ANKRD17: variants seen among roughly 807,000 people sequenced by gnomAD.
ANKRD17 encodes ankyrin repeat domain-containing protein 17.
A neutral mutation model predicts 229.7 loss-of-function variants in ANKRD17; 19 were observed. That is an observed-to-expected ratio of 0.08 (90% CI 0.06 to 0.12). ANKRD17 has a LOEUF of 0.12. Among genes scored for constraint, ANKRD17 ranks in the 10% least tolerant of loss-of-function variants. ANKRD17 has a pLI of 1.00. For synonymous variants in ANKRD17, 1,112 were observed against 1,146.1 expected (o/e 0.97, Z 0.60); for missense variants, 2,176 against 3,176.8 (o/e 0.68, Z 7.57).
At chr4:73,102,663 A>T (rs1311214677) in intron 24 of ANKRD17, 116 bp from the exon 25 acceptor site, 1 of 1,166,154 alleles carries the variant, frequency 8.6e-7, no homozygotes, top group African/African-American at 1.6e-5. Flanking sequence ...AAAGTCATCT[A>T]GTTCAATTCA....
In ANKRD17 at chr4:73,125,318, A is replaced by C; in HGVS notation, c.3235-6T>G. The C allele has an allele frequency of 6.4e-7, 1 of 1,573,390 alleles. No homozygotes were observed. Among genetic ancestry groups the C allele is most frequent in the Non-Finnish European group, 8.6e-7 (1 of 1,160,168 alleles). On this transcript the variant is annotated splice_region_variant and splice_polypyrimidine_tract_variant and intron_variant, in intron 16 of 33. Transcript: ENST00000358602. ...GTGTCATGATTACTCTCAGTCTATAAGAAATTATTTTTTGGTTAGTTTATT... is the reference window on the plus strand; with the variant it reads ...GTGTCATGATTACTCTCAGTCTATACGAAATTATTTTTTGGTTAGTTTATT...
At chr4:73,250,589 C>CA (rs35160047) in intron 1 of ANKRD17, among the ~76,000 whole-genome samples, 571 of 29,370 alleles carry the variant, frequency 0.019, 103 homozygotes, top group African/African-American at 0.023. Flanking sequence ...GACCTTGTCT[C>CA]AAAAAAAAAA....
chr4:73,120,133 C>A, intron 21 of ANKRD17, 29 bp downstream of exon 21: 3 of 1,602,506 alleles, frequency 1.9e-6, no homozygotes, highest in Non-Finnish European at 2.6e-6. Context: ...CACTTGTGTT[C>A]ATATATGAAG....
At chr4:73,194,736 T>C (rs1272556644) in intron 1 of ANKRD17, among the ~76,000 whole-genome samples, 1 of 152,158 alleles carries the variant, frequency 6.6e-6, no homozygotes, top group Non-Finnish European at 1.5e-5. Context: ...ATCAACCTAT[T>C]GCTTGGGACT....
chr4:73,225,861 C>CAAAAAAAAAAAAAAAAAAAAAAAAAA (rs375866026), intron 1 of ANKRD17, among the ~76,000 whole-genome samples: 2 of 66,696 alleles, frequency 3.0e-5, no homozygotes, highest in East Asian at 5.7e-4. Context: ...GACTCTGTCT[C>CAAAAAAAAAAAAAAAAAAAAAAAAAA]AAAAAAAAAA....
rs763170708 is a variant in ANKRD17 at position 73,091,290 on chromosome 4, C to T, written c.6338G>A (p.Gly2113Glu). Residue 2113 changes from glycine (G) to glutamate (E), a missense_variant, in exon 29 of 34, where the codon GGA (glycine) becomes GAA (glutamate). Physicochemically the swap from Gly to Glu is moderately conservative, Grantham distance 98 (BLOSUM62 -2). Around this residue, in one of 18 missense-constraint regions of ANKRD17, gnomAD observed 424 missense variants for 454.0 expected, o/e 0.93. Transcript: ENST00000358602. ...TGGTCTTGGTTCCTGAGAAACAGATCCCGGAGGTTGTTGCTGATTAGAATG... is the reference window on the plus strand; with the variant it reads ...TGGTCTTGGTTCCTGAGAAACAGATTCCGGAGGTTGTTGCTGATTAGAATG... ...SAHSNQQQPP[G>E]SVSQEPRPPL... 2.5e-6 allele frequency: 4 copies of T among 1,614,126 alleles called. No individual in the cohort carries two copies. The highest frequency in any genetic ancestry group is 1.3e-5 in the African/African-American group (1 of 75,004).
intron 1 of ANKRD17, among the ~76,000 whole-genome samples, chr4:73,215,705 C>T (rs1056054373): frequency 2.0e-5 from 3 of 152,116 alleles, no homozygotes; most frequent in Non-Finnish European, 2.9e-5. Context: ...GAAAGTTCAC[C>T]GGTAATTGTT....
Position 73,148,703 on chromosome 4 carries a change from T to C in ANKRD17, c.1567+110A>G, listed in dbSNP as rs114695339. ...AATACTTTATCACTGGTTTGTGTAA[T>C]AGCTCATTGCAACTCTACTAGAAAG... On this transcript the variant is annotated intron_variant, in intron 8 of 33. Transcript: ENST00000358602. 4.5e-4 allele frequency: 432 copies of C among 953,446 alleles called. 1 individual carries two copies. In the African/African-American group the frequency reaches 5.3e-3, roughly 12 times the overall value. The allele number at this position is 953,446 out of a possible 1,614,324, so 59.1% of individuals were successfully genotyped here.
At chr4:73,154,966 G>A (rs986809016) in intron 5 of ANKRD17, among the ~76,000 whole-genome samples, 34 of 151,334 alleles carry the variant, frequency 2.2e-4, no homozygotes, top group Admixed American at 3.9e-4. Context: ...GCGTGAACCC[G>A]GGAGGCGGAG....
intron 1 of ANKRD17, among the ~76,000 whole-genome samples, chr4:73,185,067 C>T (rs1290910382): frequency 2.0e-5 from 3 of 151,932 alleles, no homozygotes; most frequent in Non-Finnish European, 4.4e-5. Context: ...GAAAAAAGGG[C>T]CAGTCTCTAA....
In ANKRD17 at chr4:73,124,900, G is replaced by C. The variant is rs1727235813; in HGVS notation, c.3492+13C>G. The C allele has an allele frequency of 1.2e-6, 2 of 1,612,914 alleles. No individual in the cohort carries two copies. Among genetic ancestry groups the C allele is most frequent in the East Asian group, 2.2e-5 (1 of 44,876 alleles). The stretch of plus-strand genomic sequence containing the variant: ...AGAGAAAGGAAAACAATTACACTAA[G>C]GGGAAACATTACCTCCTGTCTTCCC... On this transcript the variant is annotated intron_variant, in intron 18 of 33. Transcript: ENST00000358602.
In ANKRD17 at chr4:73,229,639, C is replaced by CTATATA. The variant is rs571222882; in HGVS notation, c.393+28631_393+28636dup. 1.3e-4 allele frequency among the ~76,000 whole-genome samples: 19 copies of CTATATA among 148,434 alleles called. No individual in the cohort carries two copies. In the South Asian group the frequency reaches 4.0e-3, roughly 32 times the overall value. On this transcript the variant is annotated intron_variant, in intron 1 of 33. Transcript: ENST00000358602. ...AAAAAACCCAACCACAATGCAGAGT[C>CTATATA]TATATATATATATACAGCTGATATA...
intron 29 of ANKRD17, among the ~76,000 whole-genome samples, chr4:73,088,421 C>T (rs1722427208): frequency 1.3e-5 from 2 of 152,146 alleles, no homozygotes; most frequent in Non-Finnish European, 2.9e-5. Flanking sequence ...CTAAAAACCT[C>T]ACCTTTCTTA....
chr4:73,129,486 G>A (rs1727905503), intron 16 of ANKRD17, among the ~76,000 whole-genome samples: 2 of 152,142 alleles, frequency 1.3e-5, no homozygotes, highest in Non-Finnish European at 2.9e-5. Flanking sequence ...AACACTTTGG[G>A]AGGCTGAGGC....
intron 1 of ANKRD17, among the ~76,000 whole-genome samples, chr4:73,242,496 G>T (rs542075525): frequency 2.0e-5 from 3 of 152,056 alleles, no homozygotes; most frequent in Non-Finnish European, 2.9e-5. Flanking sequence ...CCATGTTTCC[G>T]AATGGGAATA....
At chr4:73,240,305 T>C (rs371639236) in intron 1 of ANKRD17, among the ~76,000 whole-genome samples, 14 of 151,674 alleles carry the variant, frequency 9.2e-5, no homozygotes, top group African/African-American at 2.9e-4. Context: ...GTTTAAGCAA[T>C]AAAAGAAGAA....
At chr4:73,229,810 TA>T (rs1742876980) in intron 1 of ANKRD17, among the ~76,000 whole-genome samples, 1 of 152,164 alleles carries the variant, frequency 6.6e-6, no homozygotes, top group South Asian at 2.1e-4. Flanking sequence ...TGCCAGAATT[TA>T]GTATTTTAAA....
chr4:73,078,706 G>T lies in ANKRD17; in HGVS notation c.7344C>A (p.Ser2448Arg), dbSNP rs1409556034. Residue 2448 changes from serine to arginine, a missense_variant, in exon 31 of 34, where the codon AGC becomes AGA. Ser to Arg is a moderately radical substitution (Grantham distance 110). Coordinates refer to ENST00000358602, the MANE Select transcript of ANKRD17 (RefSeq NM_032217.5). Reference sequence around the variant, plus strand: ...TATGTCCTACTGATGTAGACAAATTGCTCCCAATAACAGATGGAGCTGACG... The same window carrying T: ...TATGTCCTACTGATGTAGACAAATTTCTCCCAATAACAGATGGAGCTGACG... Reference protein sequence around the residue: ...TGTSAPSVIGSNLSTSVGHSG... With the variant: ...TGTSAPSVIGRNLSTSVGHSG... The T allele has an allele frequency of 6.2e-7, 1 of 1,613,992 alleles. No homozygotes were observed. The highest frequency in any genetic ancestry group is 8.5e-7 in the Non-Finnish European group (1 of 1,180,012).
Position 73,120,564 on chromosome 4 carries a change from GA to G in ANKRD17, c.3850-228del, listed in dbSNP as rs937663513. 2.0e-3 allele frequency among the ~76,000 whole-genome samples: 289 copies of G among 143,064 alleles called. 2 individuals are homozygous for G. The highest frequency in any genetic ancestry group is 0.015 in the East Asian group (73 of 4,828). The allele number at this position is 143,064 out of a possible 152,430, so 93.9% of individuals were successfully genotyped here. On this transcript the variant is annotated intron_variant, in intron 20 of 33. Coordinates refer to ENST00000358602, the MANE Select transcript of ANKRD17 (RefSeq NM_032217.5). ...TGCAAAAAAAAAAAAAAGAAAGAAAGAAAAAAAAATCTGTTTAAGATGCAAG... is the reference window on the plus strand; with the variant it reads ...TGCAAAAAAAAAAAAAAGAAAGAAAGAAAAAAAATCTGTTTAAGATGCAAG...
Sources: allele counts gnomAD v4.1 joint callset (sites outside exome capture counted in the v4.1 genomes callset), GRCh38; gene constraint gnomAD v4.1.1; regional missense constraint gnomAD v4.1.1; transcripts MANE v1.5; gene names NCBI Gene and HGNC (gene_info 2026-07-23, HGNC 2026-07-21).